The following STAG2 variants were observed in gnomAD, a reference collection of about 807,000 sequenced individuals.
STAG2 encodes the protein cohesin subunit SA-2.
Under a neutral mutation model 108.1 loss-of-function variants are expected in STAG2, and 14 were observed. The observed-to-expected ratio is 0.13, with a 90% CI of 0.09 to 0.20. STAG2 has a LOEUF of 0.20. Ranked by LOEUF, STAG2 falls within the 10% of genes least tolerant of loss-of-function variation. STAG2 has a pLI of 1.00. For missense variants in STAG2, 440 were observed against 940.9 expected (o/e 0.47, Z 6.96); for synonymous variants, 307 against 302.7 (o/e 1.01, Z -0.15).
chrX:124,054,959 G>T (rs971028452), intron 13 of STAG2, among the ~76,000 whole-genome samples: 4 of 110,059 alleles, frequency 3.6e-5, no homozygotes, highest in African/African-American at 1.3e-4. Context: ...TTGTAGAGAT[G>T]AGGTCTCATG....
chrX:124,009,442 G>GATA (rs1491011236), intron 1 of STAG2, among the ~76,000 whole-genome samples: 1,022 of 72,474 alleles, frequency 0.014, 18 homozygotes, highest in African/African-American at 0.035. Flanking sequence ...TAGGTAGGTA[G>GATA]GTAGATAGAT....
At chrX:124,089,065 G>A (rs1433256931) in intron 30 of STAG2, among the ~76,000 whole-genome samples, 1 of 108,549 alleles carries the variant, frequency 9.2e-6, no homozygotes, top group Non-Finnish European at 1.9e-5. Context: ...ACAAGCGCCC[G>A]CCACCGCACC....
intron 5 of STAG2, among the ~76,000 whole-genome samples, chrX:124,035,859 C>G (rs1569509359): frequency 8.9e-6 from 1 of 111,855 alleles, no homozygotes; most frequent in Non-Finnish European, 1.9e-5. Context: ...CAGTTGCTGC[C>G]TGGCATTCTG....
intron 1 of STAG2, among the ~76,000 whole-genome samples, chrX:124,001,885 A>G (rs962518566): frequency 6.3e-5 from 7 of 111,826 alleles, no homozygotes; most frequent in African/African-American, 1.3e-4. Context: ...TTTACATACA[A>G]TAGACATCAC....
chrX:124,068,867 A>G (rs1383710489), intron 24 of STAG2, among the ~76,000 whole-genome samples: 1 of 112,177 alleles, frequency 8.9e-6, no homozygotes, highest in Non-Finnish European at 1.9e-5. Context: ...TGCATTATAG[A>G]TTACCCTTAT....
chrX:124,050,392 TGTATACCTG>T, intron 11 of STAG2, 83 bp downstream of exon 11: 1 of 985,257 alleles, frequency 1.0e-6, no homozygotes, highest in East Asian at 3.4e-5. Flanking sequence ...TCTCCCAGTA[TGTATACCTG>T]GTGACACATT....
At chrX:124,055,756 T>TAA (rs774238668) in intron 13 of STAG2, among the ~76,000 whole-genome samples, 1 of 111,966 alleles carries the variant, frequency 8.9e-6, no homozygotes, top group East Asian at 2.8e-4. Flanking sequence ...TGACTTAATA[T>TAA]TACTATGAAA....
At chrX:123,972,474 T>C (rs1267521429) in intron 1 of STAG2, among the ~76,000 whole-genome samples, 1 of 108,513 alleles carries the variant, frequency 9.2e-6, no homozygotes. Context: ...GGTTTCACCG[T>C]GTTAGCCAGG....
chrX:124,085,649 C>T (rs1266666568), intron 29 of STAG2, among the ~76,000 whole-genome samples: 1 of 108,827 alleles, frequency 9.2e-6, no homozygotes, highest in Non-Finnish European at 1.9e-5. Context: ...GCAGTGTGCA[C>T]CTGTAATCCC....
rs2059507239 is a variant in STAG2 at position 124,101,530 on chromosome X, T to A, written c.*933T>A. The A allele has an allele frequency of 6.6e-6, 1 of 152,615 alleles. No individual in the cohort carries two copies. Among genetic ancestry groups the A allele is most frequent in the Non-Finnish European group, 1.3e-5 (1 of 78,114 alleles). 12.6% of individuals were successfully genotyped at this position (152,615 alleles called of 1,213,427 possible). A position where few individuals can be genotyped will look rare whatever the true frequency, so the allele number is the denominator to read the frequency against. Reference sequence around the variant, plus strand: ...CTGATTTTATAATTGCGCAGTTTGTTTAGTTTTTTCTTACTTTTAAATTCC... The same window carrying A: ...CTGATTTTATAATTGCGCAGTTTGTATAGTTTTTTCTTACTTTTAAATTCC... On this transcript the variant is annotated 3_prime_UTR_variant, in exon 35 of 35. Coordinates refer to ENST00000371145, the MANE Select transcript of STAG2 (RefSeq NM_001042750.2).
intron 13 of STAG2, among the ~76,000 whole-genome samples, chrX:124,055,453 C>G (rs1474565813): frequency 8.9e-6 from 1 of 112,815 alleles, no homozygotes; most frequent in Non-Finnish European, 1.9e-5. Context: ...GGGAAGAATG[C>G]AACAGCGTTT....
intron 8 of STAG2, 71 bp downstream of exon 8, chrX:124,045,439 A>G (rs2057843315): frequency 1.1e-6 from 1 of 948,219 alleles, no homozygotes; most frequent in East Asian, 3.1e-5. Flanking sequence ...TTTAAAGAGA[A>G]AGGAAATAAC....
At chrX:123,995,114 G>A (rs2055669001) in intron 1 of STAG2, among the ~76,000 whole-genome samples, 1 of 111,924 alleles carries the variant, frequency 8.9e-6, no homozygotes, top group Non-Finnish European at 1.9e-5. Context: ...TCAAAGAAGT[G>A]TGGAGAATAG....
At chrX:124,073,410 GTGTGTGTGTA>G (rs1189447455) in intron 25 of STAG2, among the ~76,000 whole-genome samples, 3 of 110,635 alleles carry the variant, frequency 2.7e-5, no homozygotes, top group African/African-American at 9.9e-5. Context: ...CCTTAGACTT[GTGTGTGTGTA>G]TGTGTGTGTT....
At chrX:124,032,732 C>A (rs1039591965) in intron 5 of STAG2, among the ~76,000 whole-genome samples, 2 of 111,882 alleles carry the variant, frequency 1.8e-5, no homozygotes, top group African/African-American at 6.5e-5. Context: ...TTATTGCCTC[C>A]AACTCTACCC....
At chrX:124,083,584 A>C in intron 29 of STAG2, 35 bp downstream of exon 29, 1 of 1,099,557 alleles carries the variant, frequency 9.1e-7, no homozygotes, top group Non-Finnish European at 1.2e-6. Flanking sequence ...ATTTAATTTC[A>C]TTTTGGGATT....
chrX:124,043,279 C>G (rs1042191057), intron 7 of STAG2, among the ~76,000 whole-genome samples: 2 of 108,048 alleles, frequency 1.9e-5, no homozygotes, highest in African/African-American at 6.8e-5. Flanking sequence ...CAGGCACCCA[C>G]CACCACACCT....
chrX:124,048,928 G>A (rs1255479002), intron 9 of STAG2, 77 bp from the exon 10 acceptor site: 1 of 807,130 alleles, frequency 1.2e-6, no homozygotes, highest in Non-Finnish European at 1.8e-6. Context: ...TGCTTTTTTT[G>A]TGCTTGTAAC....
rs2059151340 is a variant in STAG2, at chrX:124,088,150, G to T, written c.3277+1380G>T. Among the ~76,000 whole-genome samples the T allele has an allele frequency of 4.5e-5, 5 of 110,415 alleles. No individual in the cohort carries two copies. In the Admixed American group the frequency reaches 4.8e-4, roughly 11 times the overall value. ...TCTGAACTAGTAGTTAATAGTTATA[G>T]GTGTGTGCTGGGCCATCAAATCTCT... On this transcript the variant is annotated intron_variant, in intron 30 of 34. Transcript: ENST00000371145.
Sources: allele counts gnomAD v4.1 joint callset (sites outside exome capture counted in the v4.1 genomes callset), GRCh38; gene constraint gnomAD v4.1.1; transcripts MANE v1.5; gene names NCBI Gene and HGNC (gene_info 2026-07-23, HGNC 2026-07-21).